Variants in FBN3 observed in about 807,000 individuals in gnomAD.
FBN3 encodes the protein fibrillin 3.
Under a neutral mutation model 330.1 loss-of-function variants are expected in FBN3, and 234 were observed. The observed-to-expected ratio is 0.71, with a 90% CI of 0.64 to 0.79. The LOEUF is 0.79. FBN3 is among the 30% of genes least tolerant of loss of function. The pLI is 0.00. For synonymous variants in FBN3, 1,458 were observed against 1,517.3 expected (o/e 0.96, Z 0.91); for missense variants, 3,606 against 3,886.9 (o/e 0.93, Z 1.92).
intron 13 of FBN3, among the ~76,000 whole-genome samples, chr19:8,134,199 G>A (rs999497572): frequency 1.3e-5 from 2 of 151,742 alleles, no homozygotes; most frequent in East Asian, 1.9e-4. Flanking sequence ...CCAGGATCAC[G>A]CCACTGCACT....
chr19:8,080,980 G>A lies in FBN3; in HGVS notation c.7453+23C>T, dbSNP rs377447595. 2.8e-4 allele frequency: 439 copies of A among 1,544,372 alleles called. 2 individuals are homozygous for A. Among genetic ancestry groups the A allele is most frequent in the East Asian group, 1.7e-3 (76 of 44,610 alleles). Reference sequence around the variant, plus strand: ...ATGCTGGGGTCATGGGTCACCTCCCGGTGAGGGGCAAGGGTCACTCACCGA... The same window carrying A: ...ATGCTGGGGTCATGGGTCACCTCCCAGTGAGGGGCAAGGGTCACTCACCGA... On this transcript the variant is annotated intron_variant, in intron 59 of 63. Transcript: ENST00000600128.
chr19:8,094,408 C>A, intron 47 of FBN3, 38 bp downstream of exon 47: 1 of 1,580,940 alleles, frequency 6.3e-7, no homozygotes. Flanking sequence ...GAGAGGCACT[C>A]CCTGGCGCCA....
intron 22 of FBN3, 63 bp from the exon 23 acceptor site, chr19:8,124,071 G>A (rs1185646531): frequency 2.8e-5 from 39 of 1,376,742 alleles, no homozygotes; most frequent in East Asian, 4.9e-5. Context: ...CGGGACAGGC[G>A]TGCCGCTCAG....
chr19:8,104,908 C>CTCTT (rs1202607831), intron 38 of FBN3, among the ~76,000 whole-genome samples: 2 of 148,500 alleles, frequency 1.3e-5, no homozygotes, highest in African/African-American at 2.5e-5. Context: ...CTTCCTTCTT[C>CTCTT]TCTTTCTTTC....
chr19:8,066,790 A>G (rs1237328597), intron 63 of FBN3, among the ~76,000 whole-genome samples: 3 of 151,982 alleles, frequency 2.0e-5, no homozygotes, highest in Non-Finnish European at 4.4e-5. Context: ...GAGGCAGGAG[A>G]ATCGCTTGAA....
chr19:8,088,222 C>T, intron 51 of FBN3, 43 bp from the exon 52 acceptor site: 1 of 1,546,860 alleles, frequency 6.5e-7, no homozygotes, highest in Non-Finnish European at 8.7e-7. Context: ...CAGAGGGTCC[C>T]CCATCCTCAG....
intron 39 of FBN3, 48 bp downstream of exon 39, chr19:8,103,514 G>A: frequency 6.3e-7 from 1 of 1,594,308 alleles, no homozygotes; most frequent in Middle Eastern, 1.7e-4. Context: ...CCCATGCCCA[G>A]GTGCTGCTTC....
intron 63 of FBN3, among the ~76,000 whole-genome samples, chr19:8,070,967 A>C (rs528344376): frequency 3.3e-5 from 5 of 151,636 alleles, no homozygotes; most frequent in African/African-American, 1.2e-4. Flanking sequence ...GATTGCGGTC[A>C]GCCGAGATCA....
chr19:8,084,909 C>T (rs1394333568), intron 56 of FBN3, among the ~76,000 whole-genome samples: 1 of 151,906 alleles, frequency 6.6e-6, no homozygotes, highest in Non-Finnish European at 1.5e-5. Context: ...CTTTTGGAGA[C>T]GAGGTCTTGC....
At chr19:8,077,933 C>T (rs887134939) in intron 59 of FBN3, among the ~76,000 whole-genome samples, 7 of 151,254 alleles carry the variant, frequency 4.6e-5, no homozygotes, top group African/African-American at 1.2e-4. Context: ...AAAAATTAGC[C>T]GGGCGTGGTG....
rs2145377070 is a variant in FBN3 at position 8,075,081 on chromosome 19, G to A, written c.7692C>T (p.Ala2564=). The change falls in exon 61 of 64, where the codon GCC becomes GCT. Residue 2564 remains alanine (A), a synonymous_variant. Coordinates refer to ENST00000600128, the MANE Select transcript of FBN3 (RefSeq NM_032447.5). ...PQGFTQHSQW[A]QCVDENECAL... ...GCCCTTTTCACTCACCCACACACTG[G>A]GCCCACTGGGAGTGCTGGGTGAAAC... 1 of 1,602,676 alleles carries A rather than the reference G, an allele frequency of 6.2e-7. No individual in the cohort carries two copies. The highest frequency in any genetic ancestry group is 1.8e-4 in the Middle Eastern group (1 of 5,688).
chr19:8,110,898 C>T lies in FBN3; in HGVS notation c.4280G>A (p.Arg1427His), dbSNP rs201734734. The change falls in exon 34 of 64, where the codon CGC becomes CAC. Residue 1427 changes from arginine (R) to histidine (H), a missense_variant. Coordinates refer to ENST00000600128, the MANE Select transcript of FBN3 (RefSeq NM_032447.5). ...TTCGTAGCCACCATTGCAGATGCAG[C>T]GGAACATTCCAGGCAGGTTCTCACA... is the stretch of plus-strand genomic sequence containing the variant. ...GSCENLPGMF[R>H]CICNGGYELD... 3.1e-6 allele frequency: 5 copies of T among 1,614,216 alleles called. No homozygotes were observed. Among genetic ancestry groups the T allele is most frequent in the East Asian group, 2.2e-5 (1 of 44,880 alleles).
At chr19:8,111,548 A>T in intron 32 of FBN3, 100 bp downstream of exon 32, 1 of 1,319,328 alleles carries the variant, frequency 7.6e-7, no homozygotes, top group Non-Finnish European at 1.0e-6. Flanking sequence ...CGATTGAGTC[A>T]GAAGGAGTCA....
At chr19:8,082,494 TCTTTCTCTCTTTC>T (rs2081826924) in intron 57 of FBN3, among the ~76,000 whole-genome samples, 1 of 41,114 alleles carries the variant, frequency 2.4e-5, no homozygotes, top group Admixed American at 2.7e-4. Flanking sequence ...TCCTTCCCTT[TCTTTCTCTCTTTC>T]TTTCTTGACA....
At position 8,073,283 on chromosome 19, in the gene FBN3, C is replaced by A; in HGVS notation, c.7717G>T (p.Ala2573Ser). The A allele has an allele frequency of 6.2e-7, 1 of 1,613,248 alleles. No individual in the cohort carries two copies. Among genetic ancestry groups the A allele is most frequent in the Non-Finnish European group, 8.5e-7 (1 of 1,179,508 alleles). ...CTCCCGCAGGTGGGGGGCGACAGGG[C>A]ACACTCATTCTCATCTGTGGGAGGA... ...WAQCVDENEC[A>S]LSPPTCGSAS... The change falls in exon 62 of 64, where the codon GCC (alanine) becomes TCC (serine). Residue 2573 changes from alanine to serine, a missense_variant. Physicochemically the swap from Ala to Ser is moderately conservative, Grantham distance 99. Transcript: ENST00000600128.
intron 13 of FBN3, among the ~76,000 whole-genome samples, chr19:8,135,520 AAAGT>A (rs750637359): frequency 9.2e-5 from 6 of 65,052 alleles, no homozygotes; most frequent in Non-Finnish European, 1.3e-4. Context: ...TCGGCCTCCC[AAAGT>A]GCTGGGATTA....
chr19:8,137,065 C>CCCTCCAACCTGGAACCCAGATT (rs2083301800), intron 10 of FBN3, among the ~76,000 whole-genome samples: 1 of 105,990 alleles, frequency 9.4e-6, no homozygotes, highest in African/African-American at 3.6e-5. Flanking sequence ...GGACCTGGAT[C>CCCTCCAACCTGGAACCCAGATT]CCTCCAACCT....
intron 47 of FBN3, among the ~76,000 whole-genome samples, chr19:8,093,316 C>T (rs1031427880): frequency 1.3e-5 from 2 of 151,784 alleles, no homozygotes; most frequent in East Asian, 2.0e-4. Flanking sequence ...GGTGAAACCC[C>T]GTTTCTACTA....
Position 8,131,660 on chromosome 19 carries a change from G to T in FBN3, c.1884C>A (p.Ser628=). ...CAGTGCCAGGGAAGGGGCGGGCACA[G>T]GAGCCCTTCTCGATGGCCCCATAGC... ...STCYGAIEKG[S]CARPFPGTVT... The change falls in exon 15 of 64, where the codon TCC becomes TCA. Residue 628 remains serine (S), a synonymous_variant. Transcript: ENST00000600128. The surrounding 1 kb of genome is among the most constrained non-coding windows in gnomAD (Gnocchi z 4.5). 1.2e-6 allele frequency: 2 copies of T among 1,614,254 alleles called. No individual in the cohort carries two copies. The highest frequency in any genetic ancestry group is 8.5e-7 in the Non-Finnish European group (1 of 1,180,050).
Sources: gnomAD v4.1 joint callset for allele counts (sites outside exome capture counted in the v4.1 genomes callset) on GRCh38, gnomAD v4.1.1 for gene constraint, Gnocchi (gnomAD v3.1) non-coding constraint, MANE v1.5 for transcripts, NCBI Gene and HGNC (gene_info 2026-07-23, HGNC 2026-07-21) for gene names.